FBXL20: variants seen among roughly 807,000 people sequenced by gnomAD.
The protein encoded by FBXL20 is F-box/LRR-repeat protein 20.
In FBXL20, 11 loss-of-function variants were observed where a neutral mutation model predicts 64.0. That is an observed-to-expected ratio of 0.17 (90% CI 0.11 to 0.28). The LOEUF is 0.28. Ranked by LOEUF, FBXL20 falls within the 10% of genes least tolerant of loss-of-function variation. The pLI is 1.00. For synonymous variants in FBXL20, 184 were observed against 189.0 expected (o/e 0.97, Z 0.22); for missense variants, 303 against 526.2 (o/e 0.58, Z 4.15).
intron 1 of FBXL20, among the ~76,000 whole-genome samples, chr17:39,345,178 A>T (rs2047620709): frequency 6.6e-6 from 1 of 152,204 alleles, no homozygotes; most frequent in Non-Finnish European, 1.5e-5. Flanking sequence ...CCAATCAGGC[A>T]CTTTTCTAGA....
chr17:39,316,294 T>TATAC (rs1555607969), intron 2 of FBXL20, among the ~76,000 whole-genome samples: 9 of 150,110 alleles, frequency 6.0e-5, no homozygotes, highest in Admixed American at 1.3e-4. Context: ...CATCTACATA[T>TATAC]ACACACACAC....
chr17:39,288,954 C>T (rs768940690), intron 6 of FBXL20, among the ~76,000 whole-genome samples: 3 of 152,110 alleles, frequency 2.0e-5, no homozygotes, highest in Admixed American at 6.6e-5. Context: ...CTGCCCACCT[C>T]GGCCTCCCAA....
chr17:39,281,216 C>T (rs914682081), intron 9 of FBXL20, among the ~76,000 whole-genome samples, 173 bp downstream of exon 9: 1 of 152,116 alleles, frequency 6.6e-6, no homozygotes, highest in Admixed American at 6.6e-5. Context: ...GCCAAGGCCC[C>T]TAGGAATGAG....
intron 2 of FBXL20, among the ~76,000 whole-genome samples, chr17:39,318,777 G>C (rs1231109200): frequency 6.6e-6 from 1 of 151,816 alleles, no homozygotes; most frequent in Non-Finnish European, 1.5e-5. Flanking sequence ...AAAACCTTCT[G>C]TACCATAATG....
chr17:39,333,919 G>A (rs12760118), intron 2 of FBXL20, among the ~76,000 whole-genome samples: 31 of 151,642 alleles, frequency 2.0e-4, no homozygotes, highest in South Asian at 2.1e-4. Flanking sequence ...CAGCCACCCC[G>A]TCTGGGAAGT....
chr17:39,335,201 G>T (rs1271705551), intron 2 of FBXL20, among the ~76,000 whole-genome samples: 1 of 152,112 alleles, frequency 6.6e-6, no homozygotes, highest in African/African-American at 2.4e-5. Flanking sequence ...TGTCTTAACT[G>T]AATAACTGTC....
intron 1 of FBXL20, among the ~76,000 whole-genome samples, chr17:39,390,344 T>C (rs1048630140): frequency 6.6e-6 from 1 of 151,482 alleles, no homozygotes; most frequent in African/African-American, 2.4e-5. Flanking sequence ...GTGGATCACC[T>C]GGGGTCATGA....
At chr17:39,351,109 C>A (rs541204979) in intron 1 of FBXL20, among the ~76,000 whole-genome samples, 1 of 151,792 alleles carries the variant, frequency 6.6e-6, no homozygotes, top group Non-Finnish European at 1.5e-5. Flanking sequence ...CTGAGGTGGG[C>A]GGATCACATG....
chr17:39,308,652 C>A (rs1032584718), intron 2 of FBXL20, among the ~76,000 whole-genome samples: 2 of 151,816 alleles, frequency 1.3e-5, no homozygotes, highest in Non-Finnish European at 2.9e-5. Flanking sequence ...GCAAGCTCCC[C>A]CTCCCAGATT....
At chr17:39,315,865 GA>G (rs1280422697) in intron 2 of FBXL20, among the ~76,000 whole-genome samples, 3 of 134,514 alleles carry the variant, frequency 2.2e-5, no homozygotes, top group Admixed American at 7.6e-5. Flanking sequence ...GAGAGAGAGA[GA>G]GAGAGCAACT....
At chr17:39,261,762 T>C (rs1009487395) in intron 14 of FBXL20, among the ~76,000 whole-genome samples, 195 bp from the exon 15 acceptor site, 13 of 151,956 alleles carry the variant, frequency 8.6e-5, no homozygotes, top group Admixed American at 4.6e-4. Flanking sequence ...GAACAACTCA[T>C]ATGACTTTGG....
At chr17:39,318,654 C>T (rs979628103) in intron 2 of FBXL20, among the ~76,000 whole-genome samples, 2 of 152,178 alleles carry the variant, frequency 1.3e-5, no homozygotes, top group South Asian at 2.1e-4. Flanking sequence ...GCAAGAGAAT[C>T]GCTTGAACCA....
At chr17:39,336,426 G>A (rs2047522517) in intron 2 of FBXL20, among the ~76,000 whole-genome samples, 1 of 152,252 alleles carries the variant, frequency 6.6e-6, no homozygotes, top group South Asian at 2.1e-4. Flanking sequence ...TAAGCAGTGA[G>A]GGTAACAATA....
chr17:39,327,456 G>T (rs969874993), intron 2 of FBXL20, among the ~76,000 whole-genome samples: 9 of 152,058 alleles, frequency 5.9e-5, no homozygotes, highest in African/African-American at 1.9e-4. Context: ...GGGACAGAAT[G>T]AACCCTAAGG....
intron 3 of FBXL20, among the ~76,000 whole-genome samples, chr17:39,301,420 A>T (rs2047133597): frequency 6.6e-6 from 1 of 152,088 alleles, no homozygotes; most frequent in African/African-American, 2.4e-5. Context: ...GCCAGACCCG[A>T]TCCCTATAAA....
At chr17:39,285,881 T>G (rs1267903106) in intron 6 of FBXL20, among the ~76,000 whole-genome samples, 1 of 152,258 alleles carries the variant, frequency 6.6e-6, no homozygotes, top group East Asian at 1.9e-4. Flanking sequence ...GAGATCTATA[T>G]GCATTTTGCA....
At chr17:39,357,090 A>G (rs539695480) in intron 1 of FBXL20, among the ~76,000 whole-genome samples, 37 of 151,654 alleles carry the variant, frequency 2.4e-4, no homozygotes, top group African/African-American at 8.9e-4. Context: ...CCTGACCAAC[A>G]TGGAGAAACC....
rs1597787382 is a variant in FBXL20 at position 39,306,155 on chromosome 17, T to C, written c.105-2516A>G. Among the ~76,000 whole-genome samples, 3 of 57,846 alleles carry C rather than the reference T, an allele frequency of 5.2e-5. No individual in the cohort carries two copies. The South Asian group carries it at 8.6e-4, about 17-fold the overall frequency. The allele number at this position is 57,846 out of a possible 152,430, so 37.9% of individuals were successfully genotyped here. On this transcript the variant is annotated intron_variant, in intron 2 of 14. Transcript: ENST00000264658. ...CCAGCCTGGGTGATAGAGTGAGTTC[T>C]TTTTTTTTTTTTTAAGACGGAGTTT...
chr17:39,313,130 G>A (rs887163860), intron 2 of FBXL20, among the ~76,000 whole-genome samples: 8 of 150,406 alleles, frequency 5.3e-5, no homozygotes, highest in Non-Finnish European at 1.2e-4. Context: ...TGTTCGTCAG[G>A]CTGGTTGCAA....
Sources: gnomAD v4.1 joint callset for allele counts (sites outside exome capture counted in the v4.1 genomes callset) on GRCh38, gnomAD v4.1.1 for gene constraint, MANE v1.5 for transcripts, NCBI Gene and HGNC (gene_info 2026-07-23, HGNC 2026-07-21) for gene names.